Variants in PTPRO observed in about 807,000 individuals in gnomAD.
The protein encoded by PTPRO is receptor-type tyrosine-protein phosphatase O.
Under a neutral mutation model 145.2 loss-of-function variants are expected in PTPRO, and 62 were observed. The observed-to-expected ratio is 0.43, with a 90% CI of 0.35 to 0.53. The LOEUF (loss-of-function observed/expected upper bound fraction) is 0.53, where lower values mean the gene tolerates loss of function less well. PTPRO is among the 20% of genes least tolerant of loss of function. The pLI, the probability that PTPRO is intolerant of heterozygous loss-of-function variation, is 0.01. For synonymous variants in PTPRO, 565 were observed against 514.7 expected (o/e 1.10, Z -1.32); for missense variants, 1,345 against 1,482.7 (o/e 0.91, Z 1.53).
At chr12:15,587,184 T>A in intron 24 of PTPRO, 133 bp downstream of exon 24, 1 of 973,364 alleles carries the variant, frequency 1.0e-6, no homozygotes, top group Non-Finnish European at 1.6e-6. Flanking sequence ...AAACTATGAT[T>A]AATTGATGTC....
intron 12 of PTPRO, among the ~76,000 whole-genome samples, chr12:15,537,689 TTAAG>T (rs1220405321): frequency 3.3e-5 from 5 of 152,180 alleles, no homozygotes; most frequent in Non-Finnish European, 5.9e-5. Flanking sequence ...TTTGTTTTCT[TTAAG>T]TGAGTGAAAA....
Position 15,516,876 on chromosome 12 carries a change from T to C in PTPRO, c.1699T>C (p.Tyr567His). The change falls in exon 9 of 27, where the codon TAT becomes CAT. Residue 567 changes from tyrosine (Y) to histidine (H), a missense_variant. Transcript: ENST00000281171. ...CAGAAAATACGTGGTTGAAATGTTT[T>C]ATTTCAACCCTGCTACAATGACATC... ...VFRKYVVEMFYFNPATMTSEW... is the reference protein window; with the variant it reads ...VFRKYVVEMFHFNPATMTSEW... The C allele has an allele frequency of 1.2e-6, 2 of 1,613,112 alleles. No homozygotes were observed. Among genetic ancestry groups the C allele is most frequent in the Non-Finnish European group, 1.7e-6 (2 of 1,179,030 alleles).
intron 1 of PTPRO, among the ~76,000 whole-genome samples, chr12:15,479,142 T>C (rs1037629551): frequency 6.6e-6 from 1 of 152,142 alleles, no homozygotes; most frequent in African/African-American, 2.4e-5. Context: ...GAATAAAAAA[T>C]TGTTTATGAA....
intron 2 of PTPRO, among the ~76,000 whole-genome samples, chr12:15,496,454 T>A (rs934749660): frequency 1.3e-5 from 2 of 152,186 alleles, no homozygotes; most frequent in East Asian, 3.9e-4. Flanking sequence ...CATATCTTCT[T>A]AATAAAATTC....
chr12:15,583,392 T>G (rs956985522), intron 23 of PTPRO, among the ~76,000 whole-genome samples: 23 of 151,672 alleles, frequency 1.5e-4, no homozygotes, highest in Admixed American at 1.3e-4. Context: ...GGTGGGGGAA[T>G]CACTTGAGCC....
At chr12:15,502,151 A>G in intron 5 of PTPRO, 88 bp downstream of exon 5, 1 of 1,276,250 alleles carries the variant, frequency 7.8e-7, no homozygotes, top group Non-Finnish European at 1.1e-6. Context: ...AGAAAGACTG[A>G]TCATAGACAG....
At chr12:15,504,342 A>G (rs922514560) in intron 6 of PTPRO, among the ~76,000 whole-genome samples, 1 of 152,140 alleles carries the variant, frequency 6.6e-6, no homozygotes, top group Non-Finnish European at 1.5e-5. Context: ...CACATTAGCC[A>G]TAACAAAGCC....
At chr12:15,528,697 A>G (rs921744961) in intron 12 of PTPRO, among the ~76,000 whole-genome samples, 1 of 152,098 alleles carries the variant, frequency 6.6e-6, no homozygotes, top group African/African-American at 2.4e-5. Flanking sequence ...CCAAACAGAT[A>G]CCACTCAAAT....
chr12:15,549,980 C>A (rs1158711757), intron 14 of PTPRO, among the ~76,000 whole-genome samples: 2 of 151,806 alleles, frequency 1.3e-5, no homozygotes, highest in African/African-American at 4.8e-5. Flanking sequence ...AAAAAATATA[C>A]CTGCAAAGTA....
Position 15,322,867 on chromosome 12 carries a change from C to G in PTPRO, c.75+66C>G. 6 of 1,535,166 alleles carry G rather than the reference C, an allele frequency of 3.9e-6. No individual in the cohort carries two copies. The highest frequency in any genetic ancestry group is 5.3e-6 in the Non-Finnish European group (6 of 1,127,486). ...CGGCAGCCGCGCTCCGGCGCCCTCG[C>G]TCTGCCGTTGGGAGCGGCGCGCCCC... On this transcript the variant is annotated intron_variant, in intron 1 of 26. Coordinates refer to ENST00000281171, the MANE Select transcript of PTPRO (RefSeq NM_030667.3). This position sits in a 1 kb window ranked among gnomAD's most constrained non-coding sequence, Gnocchi z 6.3.
intron 1 of PTPRO, among the ~76,000 whole-genome samples, chr12:15,352,161 G>C (rs1212437458): frequency 2.0e-5 from 3 of 152,158 alleles, no homozygotes. Flanking sequence ...TCTGGTAATG[G>C]ATCCAGTGAC....
At chr12:15,526,380 G>A in intron 12 of PTPRO, 118 bp downstream of exon 12, 1 of 1,352,298 alleles carries the variant, frequency 7.4e-7, no homozygotes, top group Middle Eastern at 2.4e-4. Flanking sequence ...TTTTTTATGA[G>A]TAGAAAATAG....
chr12:15,458,533 A>AT (rs911777475), intron 1 of PTPRO, among the ~76,000 whole-genome samples: 6 of 149,122 alleles, frequency 4.0e-5, no homozygotes, highest in African/African-American at 7.4e-5. Context: ...ACTCTTTTTC[A>AT]TTTTTTTCTT....
At chr12:15,403,808 G>A (rs1412110963) in intron 1 of PTPRO, among the ~76,000 whole-genome samples, 4 of 150,676 alleles carry the variant, frequency 2.7e-5, no homozygotes, top group African/African-American at 7.4e-5. Flanking sequence ...CCTAATCACC[G>A]AACATAGAAT....
chr12:15,423,497 G>GA lies in PTPRO; in HGVS notation c.76-60467dup, dbSNP rs533410958. Among the ~76,000 whole-genome samples, 292 of 145,378 alleles carry GA rather than the reference G, an allele frequency of 2.0e-3. 1 individual carries two copies. The highest frequency in any genetic ancestry group is 0.01 in the Middle Eastern group (3 of 286). On this transcript the variant is annotated intron_variant, in intron 1 of 26. Transcript: ENST00000281171. ...TGTTAAAACAATATTAGACCAGTTT[G>GA]AAAAAAAAAAGCTAGAAAGTTCTAT... is the stretch of plus-strand genomic sequence containing the variant.
At chr12:15,479,593 C>T (rs1941734842) in intron 1 of PTPRO, among the ~76,000 whole-genome samples, 1 of 152,214 alleles carries the variant, frequency 6.6e-6, no homozygotes, top group Non-Finnish European at 1.5e-5. Context: ...CTCATCTCTT[C>T]ATCTAAGTCA....
rs1944095459 is a variant in PTPRO, at chr12:15,573,055, T to C, written c.2829+3557T>C. Among the ~76,000 whole-genome samples, 5 of 152,304 alleles carry C rather than the reference T, an allele frequency of 3.3e-5. No homozygotes were observed. In the South Asian group the frequency reaches 1.0e-3, roughly 32 times the overall value. On this transcript the variant is annotated intron_variant, in intron 19 of 26. Coordinates refer to ENST00000281171, the MANE Select transcript of PTPRO (RefSeq NM_030667.3). ...TAACCCATGTGTATTAGTCATGGGT[T>C]CTCCAGAGAAACCAATGGGATGTTT...
chr12:15,501,654 C>T lies in PTPRO; in HGVS notation c.696C>T (p.Ile232=), dbSNP rs764927770. The change falls in exon 5 of 27, where the codon ATC becomes ATT. Residue 232 remains isoleucine, a synonymous_variant. Coordinates refer to ENST00000281171, the MANE Select transcript of PTPRO (RefSeq NM_030667.3). ...CACCTCAAAATATTTCCGTTCGTAT[C>T]GTAAACTTGAACAAAAACAACTGGG... ...PYPPQNISVR[I]VNLNKNNWEE... 12 of 1,613,860 alleles carry T rather than the reference C, an allele frequency of 7.4e-6. No individual in the cohort carries two copies. The highest frequency in any genetic ancestry group is 6.7e-5 in the East Asian group (3 of 44,854).
At chr12:15,451,243 CATT>C (rs1175973648) in intron 1 of PTPRO, among the ~76,000 whole-genome samples, 3 of 151,852 alleles carry the variant, frequency 2.0e-5, no homozygotes, top group African/African-American at 7.3e-5. Context: ...TAAAGAGAAA[CATT>C]ATATAATGAT....
Sources: allele counts gnomAD v4.1 joint callset (sites outside exome capture counted in the v4.1 genomes callset), GRCh38; gene constraint gnomAD v4.1.1; non-coding constraint Gnocchi (gnomAD v3.1); transcripts MANE v1.5; gene names NCBI Gene and HGNC (gene_info 2026-07-23, HGNC 2026-07-21).